PTPRO: variants seen among roughly 807,000 people sequenced by gnomAD.
PTPRO encodes protein tyrosine phosphatase receptor type O, also known as receptor-type tyrosine-protein phosphatase O.
Under a neutral mutation model 145.2 loss-of-function variants are expected in PTPRO, and 62 were observed. The observed-to-expected ratio is 0.43, with a 90% CI of 0.35 to 0.53. The LOEUF is 0.53. Among genes scored for constraint, PTPRO ranks in the 20% least tolerant of loss-of-function variants. The pLI is 0.01. For synonymous variants in PTPRO, 565 were observed against 514.7 expected, an observed-to-expected ratio of 1.10 and a Z score of -1.32; for missense variants, 1,345 against 1,482.7, an observed-to-expected ratio of 0.91 and a Z score of 1.53.
At chr12:15,376,688 T>G (rs1204407344) in intron 1 of PTPRO, among the ~76,000 whole-genome samples, 1 of 152,152 alleles carries the variant, frequency 6.6e-6, no homozygotes, top group Non-Finnish European at 1.5e-5. Context: ...AGGGTCCCAC[T>G]TACTAGTTTA....
intron 1 of PTPRO, among the ~76,000 whole-genome samples, chr12:15,417,576 CA>C (rs930134758): frequency 6.6e-6 from 1 of 151,688 alleles, no homozygotes; most frequent in African/African-American, 2.4e-5. Context: ...GGGCCCACCC[CA>C]GACTTACTAA....
At chr12:15,589,659 A>G in intron 25 of PTPRO, 69 bp downstream of exon 25, 1 of 1,557,890 alleles carries the variant, frequency 6.4e-7, no homozygotes, top group South Asian at 1.1e-5. Context: ...ATTCAATGAT[A>G]TGCTTCAAAA....
Position 15,508,680 on chromosome 12 carries a change from C to T in PTPRO, c.1377C>T (p.Asn459=), listed in dbSNP as rs1942373516. Residue 459 remains asparagine (N), a synonymous_variant, in exon 7 of 27, where the codon AAC becomes AAT. Transcript: ENST00000281171. The part of the protein sequence containing the change: ...ALMSWTSSQE[N]YNSTIVSVVS... ...TGTCCTGGACATCTTCCCAAGAGAA[C>T]TACAACAGCACCATTGTGTCTGTGG... is the stretch of plus-strand genomic sequence containing the variant. 1 of 1,614,114 alleles carries T rather than the reference C, an allele frequency of 6.2e-7. No homozygotes were observed. The highest frequency in any genetic ancestry group is 1.1e-5 in the South Asian group (1 of 91,078).
chr12:15,497,250 C>G lies in PTPRO; in HGVS notation c.355C>G (p.Leu119Val). 1 of 1,567,722 alleles carries G rather than the reference C, an allele frequency of 6.4e-7. No homozygotes were observed. The highest frequency in any genetic ancestry group is 2.2e-5 in the East Asian group (1 of 44,552). Residue 119 changes from leucine to valine, a missense_variant, in exon 3 of 27, where the codon CTA becomes GTA. This residue lies in a region of PTPRO where 1,130 missense variants were observed against 1,214.7 expected (regional missense o/e 0.93). Transcript: ENST00000281171. Reference sequence around the variant, plus strand: ...CATTTACTTCACTTCTGTAGAACCTCTACCTGTAACCAGTGTTTCCATATA... The same window carrying G: ...CATTTACTTCACTTCTGTAGAACCTGTACCTGTAACCAGTGTTTCCATATA... The part of the protein sequence containing the change: ...SRSITVLTKP[L>V]PVTSVSIYDY...
intron 1 of PTPRO, among the ~76,000 whole-genome samples, chr12:15,390,307 T>C (rs1339044015): frequency 1.3e-5 from 2 of 152,136 alleles, no homozygotes; most frequent in Non-Finnish European, 2.9e-5. Context: ...TACCAGAGAC[T>C]GGATAATTTA....
chr12:15,370,197 T>G (rs1938484649), intron 1 of PTPRO, among the ~76,000 whole-genome samples: 1 of 152,218 alleles, frequency 6.6e-6, no homozygotes, highest in Non-Finnish European at 1.5e-5. Context: ...AACTAGTACG[T>G]GCCTTTAGAA....
At chr12:15,390,099 AG>A (rs1237808040) in intron 1 of PTPRO, among the ~76,000 whole-genome samples, 1 of 152,212 alleles carries the variant, frequency 6.6e-6, no homozygotes, top group Non-Finnish European at 1.5e-5. Context: ...TCAATCTCAC[AG>A]GATTTTCTGG....
Position 15,586,483 on chromosome 12 carries a change from C to A in PTPRO, c.3256-414C>A, listed in dbSNP as rs59935861. On this transcript the variant is annotated intron_variant, in intron 23 of 26. Transcript: ENST00000281171. Reference sequence around the variant, plus strand: ...GCTCTGTGCAGTGGAAGGCAACTATCAAGAGATAGGTACTGCTGTGCTGTT... The same window carrying A: ...GCTCTGTGCAGTGGAAGGCAACTATAAAGAGATAGGTACTGCTGTGCTGTT... Among the ~76,000 whole-genome samples, 65 of 152,308 alleles carry A rather than the reference C, an allele frequency of 4.3e-4. 1 individual carries two copies. The East Asian group carries it at 7.5e-3, about 18-fold the overall frequency.
intron 18 of PTPRO, among the ~76,000 whole-genome samples, chr12:15,567,404 A>G (rs1943928276): frequency 6.7e-6 from 1 of 149,904 alleles, no homozygotes; most frequent in South Asian, 2.1e-4. Flanking sequence ...TCCTCTGTAG[A>G]TATTTGTCCT....
intron 13 of PTPRO, 22 bp downstream of exon 13, chr12:15,546,730 C>CTT (rs1565699958): frequency 6.2e-7 from 1 of 1,613,528 alleles, no homozygotes; most frequent in East Asian, 2.2e-5. Flanking sequence ...TTTGATCTAC[C>CTT]TTTTCTCAGT....
At chr12:15,463,895 G>A (rs1209987300) in intron 1 of PTPRO, among the ~76,000 whole-genome samples, 1 of 152,200 alleles carries the variant, frequency 6.6e-6, no homozygotes, top group Non-Finnish European at 1.5e-5. Flanking sequence ...GTGAGAATAT[G>A]TGGTTAAAGG....
chr12:15,429,310 G>T (rs1283432300), intron 1 of PTPRO, among the ~76,000 whole-genome samples: 1 of 152,084 alleles, frequency 6.6e-6, no homozygotes, highest in Non-Finnish European at 1.5e-5. Context: ...AAACATATTT[G>T]AATATTAATA....
intron 1 of PTPRO, among the ~76,000 whole-genome samples, chr12:15,343,507 C>G (rs1867078688): frequency 6.6e-6 from 1 of 151,926 alleles, no homozygotes. Context: ...GGCAGTATGG[C>G]GAGACCCCTA....
At chr12:15,454,424 T>C (rs933148061) in intron 1 of PTPRO, among the ~76,000 whole-genome samples, 19 of 152,238 alleles carry the variant, frequency 1.2e-4, no homozygotes, top group Admixed American at 1.3e-4. Flanking sequence ...TCTATACTTT[T>C]GCTAATTAAG....
chr12:15,497,270 C>T lies in PTPRO; in HGVS notation c.375C>T (p.Ser125=). 6.3e-7 allele frequency: 1 copy of T among 1,579,484 alleles called. No individual in the cohort carries two copies. The highest frequency in any genetic ancestry group is 8.7e-7 in the Non-Finnish European group (1 of 1,148,994). ...AACCTCTACCTGTAACCAGTGTTTC[C>T]ATATATGACTATAAACCTTCTCCTG... ...LTKPLPVTSV[S]IYDYKPSPET... The change falls in exon 3 of 27, where the codon TCC becomes TCT. Residue 125 remains serine, a synonymous_variant. Coordinates refer to ENST00000281171, the MANE Select transcript of PTPRO (RefSeq NM_030667.3).
intron 1 of PTPRO, among the ~76,000 whole-genome samples, chr12:15,470,399 A>G (rs958939951): frequency 1.3e-5 from 2 of 152,232 alleles, no homozygotes; most frequent in Non-Finnish European, 2.9e-5. Context: ...CTGAGGATCA[A>G]AGGAGAAAAT....
At chr12:15,446,554 A>G (rs1352846447) in intron 1 of PTPRO, among the ~76,000 whole-genome samples, 1 of 151,824 alleles carries the variant, frequency 6.6e-6, no homozygotes, top group African/African-American at 2.4e-5. Context: ...AGGAAGATAG[A>G]ATAGGGAGGA....
intron 6 of PTPRO, 82 bp downstream of exon 6, chr12:15,504,151 A>T (rs1190408369): frequency 1.4e-6 from 2 of 1,421,806 alleles, no homozygotes; most frequent in African/African-American, 2.8e-5. Flanking sequence ...TCAGATGTCA[A>T]TTATTCACAA....
At chr12:15,475,962 C>T (rs760055947) in intron 1 of PTPRO, among the ~76,000 whole-genome samples, 2 of 151,980 alleles carry the variant, frequency 1.3e-5, no homozygotes, top group Non-Finnish European at 2.9e-5. Flanking sequence ...GTTCCAGATC[C>T]CCTCTTGTAA....
Sources: gnomAD v4.1 joint callset for allele counts (sites outside exome capture counted in the v4.1 genomes callset) on GRCh38, gnomAD v4.1.1 for gene constraint, gnomAD v4.1.1 regional missense constraint, MANE v1.5 for transcripts, NCBI Gene and HGNC (gene_info 2026-07-23, HGNC 2026-07-21) for gene names.